Variants in INPP4B observed in about 807,000 individuals in gnomAD.
INPP4B encodes inositol polyphosphate 4-phosphatase type II.
Under a neutral mutation model 122.5 loss-of-function variants are expected in INPP4B, and 55 were observed. The observed-to-expected ratio is 0.45, with a 90% CI of 0.36 to 0.56. The LOEUF is 0.56. INPP4B is among the 20% of genes least tolerant of loss of function. INPP4B has a pLI of 0.00. For missense variants in INPP4B, 1,000 were observed against 1,097.7 expected, an observed-to-expected ratio of 0.91 and a Z score of 1.26; for synonymous variants, 403 against 388.7, an observed-to-expected ratio of 1.04 and a Z score of -0.43.
intron 2 of INPP4B, among the ~76,000 whole-genome samples, chr4:142,576,550 A>C (rs1209204814): frequency 1.3e-5 from 2 of 152,008 alleles, no homozygotes; most frequent in African/African-American, 4.8e-5. Flanking sequence ...TAATAATTAC[A>C]GATAACTTAA....
intron 11 of INPP4B, among the ~76,000 whole-genome samples, chr4:142,246,152 A>G (rs1484030965): frequency 1.4e-5 from 2 of 146,012 alleles, no homozygotes; most frequent in Non-Finnish European, 3.0e-5. Context: ...ATATACATAT[A>G]TGTGTTTTGG....
chr4:142,344,233 T>A (rs1291220946), intron 7 of INPP4B, among the ~76,000 whole-genome samples: 1 of 152,028 alleles, frequency 6.6e-6, no homozygotes, highest in Non-Finnish European at 1.5e-5. Context: ...AGCATTAGTC[T>A]CCTTAGAAGC....
chr4:142,270,333 C>T (rs1271296564), intron 10 of INPP4B, among the ~76,000 whole-genome samples: 3 of 152,180 alleles, frequency 2.0e-5, no homozygotes, highest in Admixed American at 2.0e-4. Context: ...ATCCCAGAAT[C>T]TTCTGGCATC....
Position 142,028,319 on chromosome 4 carries a change from C to A in INPP4B, c.*463G>T, listed in dbSNP as rs762553162. 4.4e-6 allele frequency: 1 copy of A among 227,180 alleles called. No homozygotes were observed. Among genetic ancestry groups the A allele is most frequent in the Non-Finnish European group, 8.7e-6 (1 of 114,420 alleles). 14.1% of individuals were successfully genotyped at this position (227,180 alleles called of 1,614,324 possible). A position where few individuals can be genotyped will look rare whatever the true frequency, so the allele number is the denominator to read the frequency against. On this transcript the variant is annotated 3_prime_UTR_variant, in exon 26 of 26. Transcript: ENST00000262992. ...AGTGGCTACACATTTTTTTTAAATC[C>A]CTTACATTGATTCTCAGGTTGACTG... is the stretch of plus-strand genomic sequence containing the variant.
chr4:142,214,420 C>T (rs150823528), intron 12 of INPP4B, among the ~76,000 whole-genome samples: 4 of 152,260 alleles, frequency 2.6e-5, no homozygotes, highest in Non-Finnish European at 4.4e-5. Context: ...TTGAACGGGC[C>T]CCACTTGTCA....
intron 25 of INPP4B, among the ~76,000 whole-genome samples, chr4:142,032,266 G>T (rs1740711865): frequency 6.6e-6 from 1 of 151,686 alleles, no homozygotes. Context: ...GGAAAGCCCA[G>T]GCTACCAGGG....
chr4:142,571,461 T>C (rs1031937453), intron 2 of INPP4B, among the ~76,000 whole-genome samples: 1 of 152,130 alleles, frequency 6.6e-6, no homozygotes, highest in African/African-American at 2.4e-5. Context: ...CTGATTAACA[T>C]TTATCCTTAA....
At chr4:142,082,327 G>T in intron 24 of INPP4B, 142 bp from the exon 25 acceptor site, 1 of 605,404 alleles carries the variant, frequency 1.7e-6, no homozygotes, top group Non-Finnish European at 2.6e-6. Flanking sequence ...TGTTCAATCG[G>T]TCTCATCAAA....
intron 2 of INPP4B, among the ~76,000 whole-genome samples, chr4:142,470,452 C>T (rs890191315): frequency 6.6e-6 from 1 of 152,132 alleles, no homozygotes; most frequent in Non-Finnish European, 1.5e-5. Flanking sequence ...GCTTTGAATG[C>T]TACTTTCCTA....
At chr4:142,329,155 A>T (rs922028034) in intron 7 of INPP4B, among the ~76,000 whole-genome samples, 2 of 152,268 alleles carry the variant, frequency 1.3e-5, no homozygotes, top group African/African-American at 4.8e-5. Flanking sequence ...GTGTAAAGAA[A>T]GTAAAATATT....
At chr4:142,622,208 C>T (rs537165499) in intron 2 of INPP4B, among the ~76,000 whole-genome samples, 1 of 151,978 alleles carries the variant, frequency 6.6e-6, no homozygotes, top group East Asian at 1.9e-4. Context: ...GGGCTACAAA[C>T]TTTAATGATG....
intron 23 of INPP4B, among the ~76,000 whole-genome samples, chr4:142,106,744 T>C (rs1439291741): frequency 6.6e-6 from 1 of 152,104 alleles, no homozygotes. Flanking sequence ...AAACACAGAC[T>C]CGGGGAGAGT....
In INPP4B at chr4:142,402,992, C is replaced by T. The variant is rs2149161093; in HGVS notation, c.318G>A (p.Glu106=). The change falls in exon 7 of 26, where the codon GAG becomes GAA. Residue 106 remains glutamate (E), a synonymous_variant. Transcript: ENST00000262992. ...VTFPSEYPIY[E]ETKIKLTVYD... is the part of the protein sequence containing the mutation. ...AGACTGTTAGTTTTATTTTGGTCTCCTCATAGATGGGATACTCAGATGGGA... is the reference window on the plus strand; with the variant it reads ...AGACTGTTAGTTTTATTTTGGTCTCTTCATAGATGGGATACTCAGATGGGA... 2 of 1,611,008 alleles carry T rather than the reference C, an allele frequency of 1.2e-6. No individual in the cohort carries two copies. Among genetic ancestry groups the T allele is most frequent in the African/African-American group, 1.3e-5 (1 of 74,966 alleles).
At chr4:142,290,599 C>T (rs916365341) in intron 9 of INPP4B, among the ~76,000 whole-genome samples, 2 of 152,162 alleles carry the variant, frequency 1.3e-5, no homozygotes, top group African/African-American at 4.8e-5. Flanking sequence ...AATGAAACTC[C>T]TTGTTTAGGG....
At chr4:142,551,243 G>A (rs1354067838) in intron 2 of INPP4B, among the ~76,000 whole-genome samples, 2 of 152,148 alleles carry the variant, frequency 1.3e-5, no homozygotes, top group Admixed American at 1.3e-4. Context: ...TGAGGGAGTT[G>A]ACTCCATTTT....
At chr4:142,780,015 G>T (rs1274982329) in intron 1 of INPP4B, among the ~76,000 whole-genome samples, 1 of 152,002 alleles carries the variant, frequency 6.6e-6, no homozygotes, top group Non-Finnish European at 1.5e-5. Context: ...TGTCCAAATC[G>T]CAGTGCACTT....
chr4:142,564,617 G>C (rs1032678359), intron 2 of INPP4B, among the ~76,000 whole-genome samples: 2 of 152,016 alleles, frequency 1.3e-5, no homozygotes, highest in African/African-American at 2.4e-5. Context: ...GATCTGAATA[G>C]AACTTTTGAG....
intron 2 of INPP4B, among the ~76,000 whole-genome samples, chr4:142,703,407 G>A (rs1346895842): frequency 3.3e-5 from 5 of 152,168 alleles, no homozygotes; most frequent in African/African-American, 1.2e-4. Flanking sequence ...TATGGCAGAA[G>A]TACTATTAAA....
chr4:142,439,167 T>C (rs1811175020), intron 3 of INPP4B, among the ~76,000 whole-genome samples: 1 of 152,144 alleles, frequency 6.6e-6, no homozygotes, highest in Non-Finnish European at 1.5e-5. Flanking sequence ...GCAGAAGTAT[T>C]ATAGTCAGGC....
Sources: gnomAD v4.1 joint callset for allele counts (sites outside exome capture counted in the v4.1 genomes callset) on GRCh38, gnomAD v4.1.1 for gene constraint, MANE v1.5 for transcripts, NCBI Gene and HGNC (gene_info 2026-07-23, HGNC 2026-07-21) for gene names.